Variants in MOB3B observed in about 807,000 individuals in gnomAD.
MOB3B encodes MOB kinase activator-like 2B.
MOB3B carries 7 observed loss-of-function variants against 18.7 expected under a neutral mutation model. The observed-to-expected ratio is 0.37, with a 90% CI of 0.21 to 0.70. The LOEUF is 0.70. MOB3B is among the 30% of genes least tolerant of loss of function. MOB3B has a pLI of 0.52. For synonymous variants in MOB3B, 111 were observed against 99.9 expected (o/e 1.11, Z -0.66); for missense variants, 253 against 281.3 (o/e 0.90, Z 0.72).
chr9:27,330,811 A>G (rs561402871), intron 3 of MOB3B, among the ~76,000 whole-genome samples, 195 bp from the exon 4 acceptor site: 1 of 151,772 alleles, frequency 6.6e-6, no homozygotes, highest in Non-Finnish European at 1.5e-5. Context: ...CCATTAAGGC[A>G]CTGTTTAAAA....
chr9:27,390,101 G>A (rs768771803), intron 2 of MOB3B, among the ~76,000 whole-genome samples: 4 of 151,852 alleles, frequency 2.6e-5, no homozygotes, highest in Admixed American at 6.6e-5. Flanking sequence ...TATTTGAGAC[G>A]GAGTCTCGCT....
At chr9:27,351,407 C>T (rs1192746882) in intron 3 of MOB3B, among the ~76,000 whole-genome samples, 3 of 144,176 alleles carry the variant, frequency 2.1e-5, no homozygotes, top group African/African-American at 7.8e-5. Context: ...AACTGAGGCT[C>T]AGAGCCATTA....
chr9:27,488,245 A>T (rs575548309), intron 1 of MOB3B, among the ~76,000 whole-genome samples: 1 of 152,296 alleles, frequency 6.6e-6, no homozygotes, highest in Admixed American at 6.5e-5. Context: ...TTTAGCTCTA[A>T]CTTGTGAAAA....
chr9:27,444,346 C>T (rs968848791), intron 2 of MOB3B, among the ~76,000 whole-genome samples: 2 of 148,684 alleles, frequency 1.3e-5, no homozygotes, highest in African/African-American at 5.0e-5. Context: ...AGATAAAATA[C>T]CCCACATCAA....
At chr9:27,488,220 G>C (rs532709032) in intron 1 of MOB3B, among the ~76,000 whole-genome samples, 1 of 152,188 alleles carries the variant, frequency 6.6e-6, no homozygotes, top group Non-Finnish European at 1.5e-5. Flanking sequence ...AGAATACAGA[G>C]AGACTTTTCT....
intron 3 of MOB3B, among the ~76,000 whole-genome samples, chr9:27,339,991 A>G (rs1825226211): frequency 6.6e-6 from 1 of 152,258 alleles, no homozygotes; most frequent in African/African-American, 2.4e-5. Flanking sequence ...AAGTATATAC[A>G]GGATCCAACC....
Position 27,467,731 on chromosome 9 carries a change from C to A in MOB3B, c.-198-11983G>T, listed in dbSNP as rs549449463. Among the ~76,000 whole-genome samples, 141 of 152,378 alleles carry A rather than the reference C, an allele frequency of 9.3e-4. 2 individuals carry two copies. The highest frequency in any genetic ancestry group is 2.7e-3 in the Admixed American group (42 of 15,300). ...TGACCTTTTTTCCTCCTGCGAAGTG[C>A]CTGCTTTCAAGTGTGCTACCTGCTG... On this transcript the variant is annotated intron_variant, in intron 1 of 3. Coordinates refer to ENST00000262244, the MANE Select transcript of MOB3B (RefSeq NM_024761.5).
intron 1 of MOB3B, among the ~76,000 whole-genome samples, chr9:27,479,091 C>T (rs539933124): frequency 3.2e-4 from 48 of 152,192 alleles, no homozygotes; most frequent in Admixed American, 1.4e-3. Context: ...ACCTGTTTTA[C>T]GCTGCTATAA....
intron 2 of MOB3B, among the ~76,000 whole-genome samples, chr9:27,360,163 T>C (rs551000293): frequency 6.6e-6 from 1 of 152,302 alleles, no homozygotes; most frequent in South Asian, 2.1e-4. Flanking sequence ...ATTAAATTGA[T>C]AATGTCCTCC....
At chr9:27,409,635 A>G (rs2210192) in intron 2 of MOB3B, among the ~76,000 whole-genome samples, 11,676 of 152,256 alleles carry the variant, frequency 0.077, 520 homozygotes, top group South Asian at 0.12. Context: ...TTGTACCTCA[A>G]TGGTCATCTA....
chr9:27,529,233 A>C (rs1317677720), intron 1 of MOB3B, among the ~76,000 whole-genome samples: 1 of 152,134 alleles, frequency 6.6e-6, no homozygotes. Flanking sequence ...GCACCCCGAA[A>C]GAAGGACGAT....
intron 1 of MOB3B, among the ~76,000 whole-genome samples, chr9:27,472,408 C>T (rs1002623945): frequency 1.3e-5 from 2 of 152,038 alleles, no homozygotes; most frequent in Admixed American, 1.3e-4. Flanking sequence ...CAAACCCCTG[C>T]GGCGAGGGCT....
chr9:27,462,796 A>G (rs746188275), intron 1 of MOB3B, among the ~76,000 whole-genome samples: 17 of 152,252 alleles, frequency 1.1e-4, no homozygotes, highest in Admixed American at 3.3e-4. Context: ...TAGCCCTAGC[A>G]CCATGAGAAC....
intron 2 of MOB3B, among the ~76,000 whole-genome samples, chr9:27,442,403 C>T (rs559368006): frequency 3.3e-5 from 5 of 152,286 alleles, no homozygotes; most frequent in African/African-American, 9.6e-5. Context: ...TATTTATTTG[C>T]GTTTTATCTG....
rs1341357902 is a variant in MOB3B, at chr9:27,326,400, C to T, written c.*4187G>A. 1 of 398,276 alleles carries T rather than the reference C, an allele frequency of 2.5e-6. No homozygotes were observed. Among genetic ancestry groups the T allele is most frequent in the Admixed American group, 4.4e-5 (1 of 22,702 alleles). The allele number at this position is 398,276 out of a possible 1,614,324, so 24.7% of individuals were successfully genotyped here. A position where few individuals can be genotyped will look rare whatever the true frequency, so the allele number is the denominator to read the frequency against. ...AAAGCTCTGATTAATTGTATTTTCA[C>T]TTATTATATATCATCTTTGGACCTT... is the stretch of plus-strand genomic sequence containing the variant. On this transcript the variant is annotated 3_prime_UTR_variant, in exon 4 of 4. Transcript: ENST00000262244.
rs537176438 is a variant in MOB3B at position 27,384,861 on chromosome 9, C to A, written c.419-25625G>T. Among the ~76,000 whole-genome samples the A allele has an allele frequency of 3.9e-5, 6 of 152,264 alleles. No individual in the cohort carries two copies. The South Asian group carries it at 1.0e-3, about 26-fold the overall frequency. On this transcript the variant is annotated intron_variant, in intron 2 of 3. Transcript: ENST00000262244. ...CACCACCTGTGCCTTGGGGGAGAAC[C>A]TTGGGTGAGGGTGAGACGCTGAGCC...
At chr9:27,491,835 T>G (rs1399120194) in intron 1 of MOB3B, among the ~76,000 whole-genome samples, 1 of 152,184 alleles carries the variant, frequency 6.6e-6, no homozygotes, top group Non-Finnish European at 1.5e-5. Context: ...ATCGCACCAC[T>G]GCACTCCAGC....
At chr9:27,424,018 C>T (rs1337492022) in intron 2 of MOB3B, among the ~76,000 whole-genome samples, 1 of 152,218 alleles carries the variant, frequency 6.6e-6, no homozygotes, top group Non-Finnish European at 1.5e-5. Context: ...TGAACCTAGA[C>T]AGGCTGGCTT....
intron 2 of MOB3B, among the ~76,000 whole-genome samples, chr9:27,396,660 T>C (rs1821804628): frequency 6.6e-6 from 1 of 152,226 alleles, no homozygotes; most frequent in African/African-American, 2.4e-5. Context: ...CCACTGAATA[T>C]GGCAGAATTT....
Sources: gnomAD v4.1 joint callset for allele counts (sites outside exome capture counted in the v4.1 genomes callset) on GRCh38, gnomAD v4.1.1 for gene constraint, MANE v1.5 for transcripts, NCBI Gene and HGNC (gene_info 2026-07-23, HGNC 2026-07-21) for gene names.